Variants in HERC2 observed in about 807,000 individuals in gnomAD.
HERC2 encodes E3 ubiquitin-protein ligase HERC2.
A neutral mutation model predicts 537.7 loss-of-function variants in HERC2; 102 were observed. The observed-to-expected ratio is 0.19, with a 90% CI of 0.16 to 0.22. The LOEUF is 0.22. HERC2 is among the 10% of genes least tolerant of loss of function. HERC2 has a pLI of 1.00. For missense variants in HERC2, 4,236 were observed against 6,198.2 expected (o/e 0.68, Z 10.63); for synonymous variants, 2,224 against 2,466.2 (o/e 0.90, Z 2.91).
In HERC2 at chr15:28,113,231, T is replaced by C. The variant is rs1287597521; in HGVS notation, c.14072A>G (p.Tyr4691Cys). The C allele has an allele frequency of 2.5e-6, 4 of 1,614,018 alleles. No homozygotes were observed. Among genetic ancestry groups the C allele is most frequent in the East Asian group, 4.5e-5 (2 of 44,896 alleles). ...CGATGCGGAAGGCTCGATGCCTTTA[T>C]AGGTGGCCACCGACTTGAGAAGGTG... The part of the protein sequence containing the change: ...PLHLLKSVAT[Y>C]KGIEPSASLI... The change falls in exon 92 of 93, where the codon TAT becomes TGT. Residue 4691 changes from tyrosine to cysteine, a missense_variant. Around this residue, in one of 27 missense-constraint regions of HERC2, gnomAD observed 313 missense variants for 462.6 expected, o/e 0.68. Coordinates refer to ENST00000261609, the MANE Select transcript of HERC2 (RefSeq NM_004667.6). The surrounding 1 kb of genome is among the most constrained non-coding windows in gnomAD (Gnocchi z 7.0).
rs138301091 is a variant in HERC2, at chr15:28,174,484, G to C, written c.9968C>G (p.Ala3323Gly). The C allele has an allele frequency of 1.2e-6, 2 of 1,613,836 alleles. No homozygotes were observed. Among genetic ancestry groups the C allele is most frequent in the African/African-American group, 1.3e-5 (1 of 74,950 alleles). ...CGTGGCCACATCCACAGTTGTCCACGCCACACTGTGGGACGACCCACAAGC... is the reference window on the plus strand; with the variant it reads ...CGTGGCCACATCCACAGTTGTCCACCCCACACTGTGGGACGACCCACAAGC... ...RVACGSSHSVAWTTVDVATPS... is the reference protein window; with the variant it reads ...RVACGSSHSVGWTTVDVATPS... The change falls in exon 65 of 93, where the codon GCG (alanine) becomes GGG (glycine). Residue 3323 changes from alanine to glycine, a missense_variant. Ala to Gly is a moderately conservative substitution (Grantham distance 60). This residue lies in a region of HERC2 where 93 missense variants were observed against 265.1 expected (regional missense o/e 0.35). Coordinates refer to ENST00000261609, the MANE Select transcript of HERC2 (RefSeq NM_004667.6).
At chr15:28,186,492 A>G in intron 56 of HERC2, 85 bp downstream of exon 56, 1 of 1,089,524 alleles carries the variant, frequency 9.2e-7, no homozygotes. Context: ...TATGAGACAC[A>G]TTCTAATTAA....
At chr15:28,217,846 C>T (rs1900097816) in intron 38 of HERC2, among the ~76,000 whole-genome samples, 1 of 151,980 alleles carries the variant, frequency 6.6e-6, no homozygotes, top group Admixed American at 6.5e-5. Flanking sequence ...CCAAGGAAGC[C>T]TGGAGCTCCC....
intron 2 of HERC2, among the ~76,000 whole-genome samples, chr15:28,310,009 A>G (rs1205475001): frequency 2.0e-5 from 3 of 152,196 alleles, no homozygotes; most frequent in African/African-American, 7.2e-5. Flanking sequence ...AACTCCTTCC[A>G]AAAAGTGAGC....
intron 55 of HERC2, among the ~76,000 whole-genome samples, chr15:28,187,053 C>T (rs1332747966): frequency 2.7e-5 from 4 of 150,912 alleles, no homozygotes; most frequent in African/African-American, 9.9e-5. Flanking sequence ...ACTCTTCCGT[C>T]TTAGAGCTTT....
rs754243341 is a variant in HERC2, at chr15:28,220,637, G to T, written c.5660C>A (p.Pro1887His). The change falls in exon 37 of 93, where the codon CCT (proline) becomes CAT (histidine). Residue 1887 changes from proline to histidine, a missense_variant. Pro to His is a moderately conservative substitution (Grantham distance 77, BLOSUM62 -2). Transcript: ENST00000261609. ...VDWKWGDQDG[P>H]PPGLGRVIGE... The stretch of plus-strand genomic sequence containing the variant: ...AATCACGCGGCCTAGGCCTGGAGGA[G>T]GCCCATCCTGAGAAAGCCAAAGTAG... The T allele has an allele frequency of 1.2e-6, 2 of 1,603,916 alleles. No homozygotes were observed. The highest frequency in any genetic ancestry group is 4.5e-5 in the East Asian group (2 of 44,868).
intron 30 of HERC2, 143 bp downstream of exon 30, chr15:28,233,003 G>C: frequency 7.6e-6 from 5 of 656,618 alleles, no homozygotes; most frequent in East Asian, 5.4e-5. Context: ...GTATTTAATC[G>C]TAACTGTAAT....
At chr15:28,165,787 A>G (rs1387183928) in intron 68 of HERC2, among the ~76,000 whole-genome samples, 1 of 152,132 alleles carries the variant, frequency 6.6e-6, no homozygotes, top group Non-Finnish European at 1.5e-5. Flanking sequence ...GCAACAGAAC[A>G]AGACCCTGTC....
chr15:28,111,621 G>C lies in HERC2; in HGVS notation c.*142C>G. ...CTCACTGTCATTCCCATCACGGCCA[G>C]TCAGTCTCTCCACTCCCTCCTCCCG... is the stretch of plus-strand genomic sequence containing the variant. On this transcript the variant is annotated 3_prime_UTR_variant, in exon 93 of 93. Coordinates refer to ENST00000261609, the MANE Select transcript of HERC2 (RefSeq NM_004667.6). The C allele has an allele frequency of 1.2e-6, 1 of 821,104 alleles. No homozygotes were observed. The highest frequency in any genetic ancestry group is 1.9e-6 in the Non-Finnish European group (1 of 526,862). 50.9% of individuals were successfully genotyped at this position (821,104 alleles called of 1,614,324 possible).
At chr15:28,144,650 A>G in intron 72 of HERC2, 23 bp downstream of exon 72, 1 of 1,614,130 alleles carries the variant, frequency 6.2e-7, no homozygotes, top group Non-Finnish European at 8.5e-7. Flanking sequence ...TCTAACCTTG[A>G]TCGCCATAAG....
chr15:28,283,317 A>C (rs1451604098), intron 4 of HERC2, among the ~76,000 whole-genome samples: 1 of 152,208 alleles, frequency 6.6e-6, no homozygotes, highest in Non-Finnish European at 1.5e-5. Context: ...CACTAAACAA[A>C]AACTGCCTTA....
chr15:28,211,512 G>A (rs1289433572), intron 43 of HERC2, among the ~76,000 whole-genome samples: 1 of 152,138 alleles, frequency 6.6e-6, no homozygotes, highest in Admixed American at 6.5e-5. Context: ...GAGAGAATCT[G>A]TCAGCCCCAC....
intron 8 of HERC2, among the ~76,000 whole-genome samples, 180 bp from the exon 9 acceptor site, chr15:28,272,566 C>T (rs993835456): frequency 6.6e-6 from 1 of 151,932 alleles, no homozygotes; most frequent in Non-Finnish European, 1.5e-5. Flanking sequence ...TAGCACAAGA[C>T]ATCGCCTTCT....
At chr15:28,316,648 C>T (rs949780940) in intron 2 of HERC2, among the ~76,000 whole-genome samples, 4 of 152,156 alleles carry the variant, frequency 2.6e-5, no homozygotes, top group Non-Finnish European at 4.4e-5. Flanking sequence ...GTCCTAAAAA[C>T]GTCAATGAAG....
chr15:28,124,009 C>A (rs1194100074), intron 85 of HERC2, 28 bp downstream of exon 85: 1 of 1,544,124 alleles, frequency 6.5e-7, no homozygotes, highest in Non-Finnish European at 8.8e-7. Flanking sequence ...ACCAGTTTCC[C>A]CTAGAGCAAA....
intron 45 of HERC2, among the ~76,000 whole-genome samples, chr15:28,204,432 C>G (rs1239013885): frequency 6.6e-6 from 1 of 152,028 alleles, no homozygotes; most frequent in Non-Finnish European, 1.5e-5. Flanking sequence ...CCAGCCTGGC[C>G]AACATGGTAA....
In HERC2 at chr15:28,214,249, C is replaced by A; in HGVS notation, c.6382G>T (p.Val2128Leu). The A allele has an allele frequency of 6.2e-7, 1 of 1,611,584 alleles. No homozygotes were observed. The highest frequency in any genetic ancestry group is 8.5e-7 in the Non-Finnish European group (1 of 1,179,600). ...LRESTLRRRR[V>L]RPQASLTATH... ...GCAGTCAGCGAGGCCTGCGGGCGCA[C>A]CCTGCGCCGCCTCAGCGTGGACTCT... Residue 2128 changes from valine (V) to leucine (L), a missense_variant, in exon 41 of 93, where the codon GTG (valine) becomes TTG (leucine). By Grantham distance (32) the Val-to-Leu change is conservative. Around this residue, in one of 27 missense-constraint regions of HERC2, gnomAD observed 365 missense variants for 468.8 expected, o/e 0.78. Transcript: ENST00000261609.
intron 35 of HERC2, among the ~76,000 whole-genome samples, chr15:28,226,875 A>T (rs956448790): frequency 6.6e-6 from 1 of 152,248 alleles, no homozygotes; most frequent in African/African-American, 2.4e-5. Flanking sequence ...TATACACGAA[A>T]TTTTTAAAGA....
chr15:28,149,632 C>T (rs1396579109), intron 70 of HERC2, among the ~76,000 whole-genome samples: 3 of 151,470 alleles, frequency 2.0e-5, no homozygotes, highest in South Asian at 2.1e-4. Context: ...AACGGCTGCA[C>T]GAACGTACAT....
Sources: allele counts gnomAD v4.1 joint callset (sites outside exome capture counted in the v4.1 genomes callset), GRCh38; gene constraint gnomAD v4.1.1; regional missense constraint gnomAD v4.1.1; non-coding constraint Gnocchi (gnomAD v3.1); transcripts MANE v1.5; gene names NCBI Gene and HGNC (gene_info 2026-07-23, HGNC 2026-07-21).